Variants in KCNN3 observed in about 807,000 individuals in gnomAD.
KCNN3 encodes the protein potassium calcium-activated channel subfamily N member 3.
KCNN3 carries 16 observed loss-of-function variants against 62.9 expected under a neutral mutation model. The ratio of observed to expected loss-of-function variants is 0.25; its 90% CI spans 0.17 to 0.39. The LOEUF (loss-of-function observed/expected upper bound fraction) is 0.39, where lower values mean the gene tolerates loss of function less well. KCNN3 is among the 10% of genes least tolerant of loss of function. The pLI is 1.00. For synonymous variants in KCNN3, 370 were observed against 389.2 expected, an observed-to-expected ratio of 0.95 and a Z score of 0.58; for missense variants, 599 against 949.4, an observed-to-expected ratio of 0.63 and a Z score of 4.85.
chr1:154,744,078 C>T (rs1700884074), intron 3 of KCNN3, among the ~76,000 whole-genome samples: 1 of 152,148 alleles, frequency 6.6e-6, no homozygotes, highest in Non-Finnish European at 1.5e-5. Flanking sequence ...CTCCACAGCG[C>T]TTATCACCAC....
intron 6 of KCNN3, among the ~76,000 whole-genome samples, chr1:154,713,771 A>G (rs1439882058): frequency 6.6e-6 from 1 of 151,694 alleles, no homozygotes; most frequent in Admixed American, 6.6e-5. Context: ...TTCCCAGATC[A>G]TTTCCCTGCC....
intron 3 of KCNN3, among the ~76,000 whole-genome samples, chr1:154,769,304 A>G (rs537226096): frequency 6.0e-4 from 91 of 152,262 alleles, no homozygotes; most frequent in Middle Eastern, 6.8e-3. Context: ...AATACACCTC[A>G]TGTTATACCT....
rs763661871 is a variant in KCNN3 at position 154,701,533 on chromosome 1, G to T, written c.*6443C>A. ...TGCTCTGTAGAGAAAGAGGGGTGTA[G>T]ATTCCATGAGTTGCTTAATTTTGCT... On this transcript the variant is annotated 3_prime_UTR_variant, in exon 8 of 8. Transcript: ENST00000271915. 6.6e-6 allele frequency: 1 copy of T among 152,220 alleles called. No homozygotes were observed. Among genetic ancestry groups the T allele is most frequent in the Non-Finnish European group, 1.5e-5 (1 of 68,050 alleles). 9.4% of individuals were successfully genotyped at this position (152,220 alleles called of 1,614,324 possible). A position where few individuals can be genotyped will look rare whatever the true frequency, so the allele number is the denominator to read the frequency against.
Position 154,869,180 on chromosome 1 carries a change from T to C in KCNN3, c.785A>G (p.Lys262Arg). The change falls in exon 1 of 8, where the codon AAA becomes AGA. Residue 262 changes from lysine (K) to arginine (R), a missense_variant. Transcript: ENST00000271915. This position sits in a 1 kb window ranked among gnomAD's most constrained non-coding sequence, Gnocchi z 6.1. Reference sequence around the variant, plus strand: ...CAGCTTATAGCCAATGTTTTGGTTTTTCCGCTTGTTGGCTTTGGGGAAGGT... The same window carrying C: ...CAGCTTATAGCCAATGTTTTGGTTTCTCCGCTTGTTGGCTTTGGGGAAGGT... Reference protein sequence around the residue: ...STTFPKANKRKNQNIGYKLGH... With the variant: ...STTFPKANKRRNQNIGYKLGH... The C allele has an allele frequency of 1.2e-6, 2 of 1,614,178 alleles. No homozygotes were observed. Among genetic ancestry groups the C allele is most frequent in the Non-Finnish European group, 1.7e-6 (2 of 1,180,024 alleles).
At chr1:154,789,838 T>C (rs1226319281) in intron 2 of KCNN3, among the ~76,000 whole-genome samples, 3 of 152,222 alleles carry the variant, frequency 2.0e-5, no homozygotes, top group African/African-American at 7.2e-5. Context: ...CACCATGTAT[T>C]GCAGCTAGTT....
At position 154,853,033 on chromosome 1, in the gene KCNN3, A is replaced by G. The variant is rs566397253; in HGVS notation, c.933+15999T>C. ...AGAGACAGGGTTTCACATGTCACCC[A>G]GGCTGGAGCACAGTGGCGTAATCAC... On this transcript the variant is annotated intron_variant, in intron 1 of 7. Coordinates refer to ENST00000271915, the MANE Select transcript of KCNN3 (RefSeq NM_002249.6). 6.8e-4 allele frequency among the ~76,000 whole-genome samples: 104 copies of G among 152,340 alleles called. 1 individual carries two copies. Among genetic ancestry groups the G allele is most frequent in the South Asian group, 1.4e-3 (7 of 4,830 alleles).
rs146344494 is a variant in KCNN3 at position 154,757,833 on chromosome 1, A to T, written c.1448+14142T>A. Reference sequence around the variant, plus strand: ...GTTGGAGCAGAGAAGATTCAACCTGACTTTGGATACTCAAGGGACCTTCAG... The same window carrying T: ...GTTGGAGCAGAGAAGATTCAACCTGTCTTTGGATACTCAAGGGACCTTCAG... On this transcript the variant is annotated intron_variant, in intron 3 of 7. Coordinates refer to ENST00000271915, the MANE Select transcript of KCNN3 (RefSeq NM_002249.6). Among the ~76,000 whole-genome samples the T allele has an allele frequency of 3.8e-3, 579 of 152,244 alleles. 2 individuals are homozygous for T. Among genetic ancestry groups the T allele is most frequent in the Non-Finnish European group, 6.8e-3 (464 of 67,996 alleles).
intron 1 of KCNN3, among the ~76,000 whole-genome samples, chr1:154,850,967 T>TTTTG (rs570305322): frequency 3.9e-5 from 6 of 152,170 alleles, no homozygotes; most frequent in South Asian, 2.1e-4. Flanking sequence ...CTTAGCTGAT[T>TTTTG]TTTGTTTGTT....
chr1:154,770,296 C>T (rs746969138), intron 3 of KCNN3, among the ~76,000 whole-genome samples: 77 of 152,338 alleles, frequency 5.1e-4, no homozygotes, highest in Non-Finnish European at 5.0e-4. Context: ...CCTTGTTCTG[C>T]GGCAGCAGAA....
intron 7 of KCNN3, among the ~76,000 whole-genome samples, chr1:154,711,739 A>G (rs1700079251): frequency 1.3e-5 from 2 of 152,170 alleles, no homozygotes; most frequent in Non-Finnish European, 2.9e-5. Flanking sequence ...ACGTGGCCCA[A>G]ATTGGCCAAT....
intron 2 of KCNN3, among the ~76,000 whole-genome samples, chr1:154,788,836 T>C (rs1210706826): frequency 6.6e-6 from 1 of 152,168 alleles, no homozygotes; most frequent in East Asian, 1.9e-4. Flanking sequence ...TTACTCCTCA[T>C]AGCAGCCCTT....
At chr1:154,771,941 A>C (rs1458120622) in intron 3 of KCNN3, 34 bp downstream of exon 3, 2 of 1,609,322 alleles carry the variant, frequency 1.2e-6, no homozygotes, top group African/African-American at 2.7e-5. Context: ...GTCCCAGCAC[A>C]GGCTCTGTAC....
chr1:154,849,004 T>A (rs1652200204), intron 1 of KCNN3, among the ~76,000 whole-genome samples: 1 of 152,174 alleles, frequency 6.6e-6, no homozygotes, highest in Non-Finnish European at 1.5e-5. Flanking sequence ...AATATATTGG[T>A]ACAGACCTTT....
intron 2 of KCNN3, among the ~76,000 whole-genome samples, chr1:154,804,408 A>G (rs1203915192): frequency 2.0e-5 from 3 of 152,260 alleles, no homozygotes; most frequent in African/African-American, 4.8e-5. Context: ...CTTCACGACC[A>G]TGGTGAATCC....
chr1:154,861,459 G>T lies in KCNN3; in HGVS notation c.933+7573C>A, dbSNP rs139346365. On this transcript the variant is annotated intron_variant, in intron 1 of 7. Transcript: ENST00000271915. The stretch of plus-strand genomic sequence containing the variant: ...ACAGTCTCCTCTTTCCTCCCTACAT[G>T]CCCCTGTGTGCACCACACGGCAGCA... Among the ~76,000 whole-genome samples, 59 of 152,090 alleles carry T rather than the reference G, an allele frequency of 3.9e-4. No individual in the cohort carries two copies. In the East Asian group the frequency reaches 0.011, roughly 29 times the overall value.
intron 1 of KCNN3, among the ~76,000 whole-genome samples, chr1:154,837,433 G>A (rs1050574589): frequency 5.3e-5 from 8 of 152,040 alleles, no homozygotes; most frequent in Non-Finnish European, 1.0e-4. Flanking sequence ...ATGAGCCACC[G>A]CGCCCAGCCT....
intron 1 of KCNN3, among the ~76,000 whole-genome samples, chr1:154,860,231 C>A (rs147123507): frequency 2.0e-5 from 3 of 152,216 alleles, no homozygotes; most frequent in African/African-American, 4.8e-5. Flanking sequence ...GTTCTCTTGA[C>A]GACGCATCAG....
chr1:154,760,076 G>A (rs1460572637), intron 3 of KCNN3, among the ~76,000 whole-genome samples: 1 of 151,308 alleles, frequency 6.6e-6, no homozygotes, highest in Non-Finnish European at 1.5e-5. Context: ...GCAATGGTGC[G>A]ATCTTGGCTC....
chr1:154,843,697 G>T (rs1453665207), intron 1 of KCNN3, among the ~76,000 whole-genome samples: 1 of 152,192 alleles, frequency 6.6e-6, no homozygotes, highest in Non-Finnish European at 1.5e-5. Context: ...GAAACCAGGC[G>T]GGGTAGGTGG....
Sources: allele counts gnomAD v4.1 joint callset (sites outside exome capture counted in the v4.1 genomes callset), GRCh38; gene constraint gnomAD v4.1.1; non-coding constraint Gnocchi (gnomAD v3.1); transcripts MANE v1.5; gene names NCBI Gene and HGNC (gene_info 2026-07-23, HGNC 2026-07-21).